Variants in UBE2D3 observed in about 807,000 individuals in gnomAD.
The protein encoded by UBE2D3 is ubiquitin conjugating enzyme E2 D3, also known as ubiquitin-conjugating enzyme E2 D3.
UBE2D3 carries 2 observed loss-of-function variants against 22.8 expected under a neutral mutation model. The ratio of observed to expected loss-of-function variants is 0.09; its 90% CI spans 0.04 to 0.28. UBE2D3 has a LOEUF of 0.28. Among genes scored for constraint, UBE2D3 ranks in the 10% least tolerant of loss-of-function variants. The pLI is 1.00. For missense variants in UBE2D3, 27 were observed against 182.5 expected (o/e 0.15, Z 4.91); for synonymous variants, 56 against 60.4 (o/e 0.93, Z 0.34).
chr4:102,827,336 A>C, intron 1 of UBE2D3, 91 bp downstream of exon 1: 1 of 977,950 alleles, frequency 1.0e-6, no homozygotes, highest in Non-Finnish European at 1.2e-6. Context: ...CTGGCCGCTC[A>C]AGCCGCCCAG....
intron 4 of UBE2D3, among the ~76,000 whole-genome samples, chr4:102,805,924 T>A (rs561501222): frequency 6.6e-6 from 1 of 152,324 alleles, no homozygotes; most frequent in African/African-American, 2.4e-5. Context: ...CTTCCTCTCT[T>A]ATCTCAGAAT....
chr4:102,810,056 T>G, intron 2 of UBE2D3: 1 of 542,598 alleles, frequency 1.8e-6, no homozygotes, highest in Non-Finnish European at 3.3e-6. Context: ...TTCGTAAAAA[T>G]ATATATGCAA....
At chr4:102,852,128 T>A (rs1732391118) in intron 1 of UBE2D3, among the ~76,000 whole-genome samples, 1 of 152,170 alleles carries the variant, frequency 6.6e-6, no homozygotes, top group Non-Finnish European at 1.5e-5. Context: ...AGAGGTATAC[T>A]CTTTTACTAT....
At chr4:102,866,066 T>C (rs1733132439) in intron 1 of UBE2D3, among the ~76,000 whole-genome samples, 1 of 152,210 alleles carries the variant, frequency 6.6e-6, no homozygotes, top group South Asian at 2.1e-4. Flanking sequence ...AATACAAATA[T>C]AAATGAAAAC....
At chr4:102,867,637 A>C (rs1733206341) in intron 1 of UBE2D3, among the ~76,000 whole-genome samples, 1 of 152,156 alleles carries the variant, frequency 6.6e-6, no homozygotes, top group South Asian at 2.1e-4. Context: ...CATACACACA[A>C]AAATTTTTAA....
intron 1 of UBE2D3, among the ~76,000 whole-genome samples, chr4:102,842,551 TAA>T (rs991892677): frequency 7.1e-6 from 1 of 141,086 alleles, no homozygotes. Flanking sequence ...AAGCCTGTCT[TAA>T]AAAAAAAAAA....
intron 1 of UBE2D3, among the ~76,000 whole-genome samples, chr4:102,849,364 CAAAAA>C (rs55874314): frequency 3.2e-5 from 2 of 63,256 alleles, no homozygotes; most frequent in South Asian, 1.2e-3. Context: ...ACCCCTGTCT[CAAAAA>C]AAAAAAAAAA....
chr4:102,821,564 C>T (rs1388634633), intron 2 of UBE2D3, among the ~76,000 whole-genome samples: 1 of 151,700 alleles, frequency 6.6e-6, no homozygotes, highest in Non-Finnish European at 1.5e-5. Context: ...TATGTGTTTC[C>T]AGGGAAAATG....
chr4:102,840,842 A>T (rs1161039639), intron 1 of UBE2D3, among the ~76,000 whole-genome samples: 2 of 152,080 alleles, frequency 1.3e-5, no homozygotes, highest in African/African-American at 4.8e-5. Context: ...CGATTTTTTT[A>T]AAAGTATAGC....
chr4:102,807,831 T>C (rs1377891094), intron 4 of UBE2D3, among the ~76,000 whole-genome samples: 3 of 152,216 alleles, frequency 2.0e-5, no homozygotes, highest in Admixed American at 6.5e-5. Flanking sequence ...TCTATAGGTA[T>C]GTTCCTTGCC....
At chr4:102,801,792 A>G (rs949606173) in intron 5 of UBE2D3, 2 of 349,334 alleles carry the variant, frequency 5.7e-6, no homozygotes, top group Admixed American at 4.4e-5. Flanking sequence ...AAAGTTCTAA[A>G]GGTTACTGTG....
chr4:102,820,731 AAAACAAAC>A (rs530907791), intron 2 of UBE2D3, among the ~76,000 whole-genome samples: 1 of 152,100 alleles, frequency 6.6e-6, no homozygotes, highest in Admixed American at 6.5e-5. Context: ...TAAAACAAAC[AAAACAAAC>A]AAACAAACAA....
At chr4:102,822,862 G>T (rs1362142047) in intron 2 of UBE2D3, among the ~76,000 whole-genome samples, 2 of 150,144 alleles carry the variant, frequency 1.3e-5, no homozygotes, top group Non-Finnish European at 3.0e-5. Flanking sequence ...CGTGAACCCA[G>T]AAGGCAGAGC....
intron 4 of UBE2D3, among the ~76,000 whole-genome samples, chr4:102,805,616 A>C (rs223422): frequency 0.54 from 82,583 of 151,614 alleles, 23,059 homozygotes; most frequent in African/African-American, 0.68. Flanking sequence ...GCCTCCAAAG[A>C]AGCTGGAATT....
intron 1 of UBE2D3, 100 bp downstream of exon 1, chr4:102,827,327 T>C (rs1730725170): frequency 2.1e-6 from 2 of 971,208 alleles, no homozygotes; most frequent in South Asian, 9.5e-5. Flanking sequence ...CCCAATAGGC[T>C]GGCCGCTCAA....
chr4:102,841,057 A>G (rs942580526), intron 1 of UBE2D3, among the ~76,000 whole-genome samples: 2 of 152,042 alleles, frequency 1.3e-5, no homozygotes, highest in African/African-American at 4.8e-5. Context: ...ATTAAACTGG[A>G]AGGACCAAAG....
At position 102,826,656 on chromosome 4, in the gene UBE2D3, G is replaced by T; in HGVS notation, c.-128-20C>A. 2 of 1,549,836 alleles carry T rather than the reference G, an allele frequency of 1.3e-6. No homozygotes were observed. The highest frequency in any genetic ancestry group is 1.7e-6 in the Non-Finnish European group (2 of 1,158,908). The stretch of plus-strand genomic sequence containing the variant: ...AGGCGCCTTTTGCAAAAACGGAGCA[G>T]ATCAGCACTCGCACAGGCCCCGAAG... On this transcript the variant is annotated intron_variant, in intron 1 of 7. Coordinates refer to ENST00000453744, the MANE Select transcript of UBE2D3 (RefSeq NM_181891.3).
intron 7 of UBE2D3, among the ~76,000 whole-genome samples, chr4:102,798,086 A>T (rs901187594): frequency 4.0e-5 from 6 of 151,634 alleles, no homozygotes; most frequent in African/African-American, 1.2e-4. Flanking sequence ...TGAGGCTAAT[A>T]AGCACCACTG....
intron 7 of UBE2D3, chr4:102,798,997 T>C (rs755091093): frequency 4.8e-5 from 77 of 1,597,302 alleles, no homozygotes; most frequent in Non-Finnish European, 5.1e-5. Flanking sequence ...CAAGTACACT[T>C]AGCATTAATT....
Sources: allele counts gnomAD v4.1 joint callset (sites outside exome capture counted in the v4.1 genomes callset), GRCh38; gene constraint gnomAD v4.1.1; transcripts MANE v1.5; gene names NCBI Gene and HGNC (gene_info 2026-07-23, HGNC 2026-07-21).